Variants in BCL2 observed in about 807,000 individuals in gnomAD.
The protein encoded by BCL2 is apoptosis regulator Bcl-2.
BCL2 carries 1 observed loss-of-function variant against 14.2 expected under a neutral mutation model. That is an observed-to-expected ratio of 0.07 (90% CI 0.02 to 0.33). The LOEUF (loss-of-function observed/expected upper bound fraction) is 0.33, where lower values mean the gene tolerates loss of function less well. Among genes scored for constraint, BCL2 ranks in the 10% least tolerant of loss-of-function variants. The pLI is 0.99. For synonymous variants in BCL2, 151 were observed against 137.2 expected (o/e 1.10, Z -0.70); for missense variants, 247 against 305.9 (o/e 0.81, Z 1.44).
intron 2 of BCL2, among the ~76,000 whole-genome samples, chr18:63,306,027 A>G (rs1913120051): frequency 6.6e-6 from 1 of 152,222 alleles, no homozygotes; most frequent in African/African-American, 2.4e-5. Flanking sequence ...GTGAACCGAT[A>G]TGGTGCCACT....
chr18:63,251,826 G>A (rs4987748), intron 2 of BCL2, among the ~76,000 whole-genome samples: 3,266 of 151,342 alleles, frequency 0.022, 108 homozygotes, highest in African/African-American at 0.076. Context: ...AGCCTCCCAA[G>A]TAGCTGGGAT....
rs1304544697 is a variant in BCL2 at position 63,125,388 on chromosome 18, T to A, written c.*3237A>T. The A allele has an allele frequency of 4.5e-6, 1 of 224,204 alleles. No individual in the cohort carries two copies. The highest frequency in any genetic ancestry group is 2.2e-5 in the African/African-American group (1 of 44,832). 13.9% of individuals were successfully genotyped at this position (224,204 alleles called of 1,614,324 possible). A position where few individuals can be genotyped will look rare whatever the true frequency, so the allele number is the denominator to read the frequency against. On this transcript the variant is annotated 3_prime_UTR_variant, in exon 3 of 3. Coordinates refer to ENST00000333681, the MANE Select transcript of BCL2 (RefSeq NM_000633.3). The stretch of plus-strand genomic sequence containing the variant: ...CCCGATGGCCATAGACCCTGTCAGC[T>A]GTCATTCTGGCCTCTCTTGCGGAGT...
chr18:63,317,909 T>C, intron 2 of BCL2, 173 bp downstream of exon 2: 1 of 1,445,322 alleles, frequency 6.9e-7, no homozygotes, highest in South Asian at 1.5e-5. Flanking sequence ...TCGGTCAGGT[T>C]GGGAGTGAAC....
intron 2 of BCL2, among the ~76,000 whole-genome samples, chr18:63,188,258 T>C (rs1329473623): frequency 6.6e-6 from 1 of 152,226 alleles, no homozygotes; most frequent in African/African-American, 2.4e-5. Context: ...GTACAGTCTT[T>C]GGCGTTAGAC....
intron 2 of BCL2, among the ~76,000 whole-genome samples, chr18:63,179,484 C>G (rs1310841162): frequency 6.6e-6 from 1 of 152,188 alleles, no homozygotes; most frequent in Non-Finnish European, 1.5e-5. Flanking sequence ...TACACAAGAG[C>G]CCCTTCCCAT....
At chr18:63,137,557 C>CA (rs1555695270) in intron 2 of BCL2, among the ~76,000 whole-genome samples, 1 of 151,542 alleles carries the variant, frequency 6.6e-6, no homozygotes, top group Non-Finnish European at 1.5e-5. Flanking sequence ...AAATTCAGTG[C>CA]TTTTTTTTTC....
intron 2 of BCL2, among the ~76,000 whole-genome samples, chr18:63,138,063 A>C (rs912101567): frequency 1.3e-5 from 2 of 152,200 alleles, no homozygotes; most frequent in African/African-American, 4.8e-5. Flanking sequence ...GTGAGAGAGA[A>C]CGCCAGGAGA....
At position 63,125,575 on chromosome 18, in the gene BCL2, T is replaced by A. The variant is rs757735599; in HGVS notation, c.*3050A>T. The A allele has an allele frequency of 1.4e-4, 31 of 214,300 alleles. No homozygotes were observed. Among genetic ancestry groups the A allele is most frequent in the Non-Finnish European group, 2.2e-4 (23 of 105,922 alleles). The allele number at this position is 214,300 out of a possible 1,614,324, so 13.3% of individuals were successfully genotyped here. A position where few individuals can be genotyped will look rare whatever the true frequency, so the allele number is the denominator to read the frequency against. Reference sequence around the variant, plus strand: ...GAGGAGTACATACAGAGGACTGTTTTTTCATTCATAAAGAGCAGTTAAGAT... The same window carrying A: ...GAGGAGTACATACAGAGGACTGTTTATTCATTCATAAAGAGCAGTTAAGAT... On this transcript the variant is annotated 3_prime_UTR_variant, in exon 3 of 3. Transcript: ENST00000333681.
intron 2 of BCL2, among the ~76,000 whole-genome samples, chr18:63,269,590 T>C (rs567413802): frequency 3.1e-4 from 47 of 152,358 alleles, no homozygotes; most frequent in African/African-American, 1.0e-3. Flanking sequence ...TTTGCTTTTT[T>C]ATCATGTCAG....
intron 2 of BCL2, among the ~76,000 whole-genome samples, chr18:63,145,242 A>T (rs1291416575): frequency 1.3e-5 from 2 of 152,246 alleles, no homozygotes; most frequent in South Asian, 4.1e-4. Flanking sequence ...GATCAGCTCA[A>T]CTATTCTTGC....
chr18:63,200,713 A>C (rs1056304257), intron 2 of BCL2, among the ~76,000 whole-genome samples: 2 of 152,178 alleles, frequency 1.3e-5, no homozygotes, highest in African/African-American at 2.4e-5. Context: ...CACGGGTGGG[A>C]GAAAACTCAT....
intron 2 of BCL2, among the ~76,000 whole-genome samples, chr18:63,167,843 T>C (rs1915082318): frequency 6.6e-6 from 1 of 151,946 alleles, no homozygotes; most frequent in South Asian, 2.1e-4. Context: ...GGAGAATCAT[T>C]TAAACCCGGG....
intron 2 of BCL2, among the ~76,000 whole-genome samples, chr18:63,286,931 G>A (rs921280104): frequency 1.3e-5 from 2 of 152,144 alleles, no homozygotes; most frequent in African/African-American, 4.8e-5. Flanking sequence ...TACAACACGG[G>A]TCTGAACTAC....
chr18:63,204,707 T>TA lies in BCL2; in HGVS notation c.586-75949dup, dbSNP rs1199585895. Among the ~76,000 whole-genome samples, 7 of 152,316 alleles carry TA rather than the reference T, an allele frequency of 4.6e-5. No homozygotes were observed. The East Asian group carries it at 1.3e-3, about 29-fold the overall frequency. ...CTAATTGATAACTGGCACACTCTGA[T>TA]ATCTCCAAAACGATGCAATACTAGG... On this transcript the variant is annotated intron_variant, in intron 2 of 2. Transcript: ENST00000333681.
chr18:63,194,109 C>T (rs1432225182), intron 2 of BCL2, among the ~76,000 whole-genome samples: 3 of 152,102 alleles, frequency 2.0e-5, no homozygotes, highest in African/African-American at 7.2e-5. Context: ...GTTATTAGCA[C>T]CATCCAATCC....
Position 63,187,583 on chromosome 18 carries a change from T to C in BCL2, c.586-58824A>G, listed in dbSNP as rs187296567. ...CACCCACCCCACTTATCCTAATGGGTTGAAAATACCAGGAAAAACTTCAGA... is the reference window on the plus strand; with the variant it reads ...CACCCACCCCACTTATCCTAATGGGCTGAAAATACCAGGAAAAACTTCAGA... On this transcript the variant is annotated intron_variant, in intron 2 of 2. Transcript: ENST00000333681. Among the ~76,000 whole-genome samples the C allele has an allele frequency of 2.2e-3, 331 of 152,340 alleles. 1 individual carries two copies. The highest frequency in any genetic ancestry group is 7.3e-3 in the African/African-American group (304 of 41,586).
At chr18:63,222,657 G>A (rs1910431083) in intron 2 of BCL2, among the ~76,000 whole-genome samples, 1 of 152,206 alleles carries the variant, frequency 6.6e-6, no homozygotes, top group Non-Finnish European at 1.5e-5. Flanking sequence ...CCGGAAGACA[G>A]CCTTGAGAAA....
chr18:63,319,053 G>A, intron 1 of BCL2, 101 bp from the exon 2 acceptor site: 1 of 1,090,180 alleles, frequency 9.2e-7, no homozygotes, highest in Non-Finnish European at 1.1e-6. Flanking sequence ...AAGTAACACG[G>A]CTAAAAAGAA....
rs557876106 is a variant in BCL2, at chr18:63,318,007, A to T, written c.585+75T>A. 139 of 1,551,506 alleles carry T rather than the reference A, an allele frequency of 9.0e-5. 2 individuals carry two copies. In the South Asian group the frequency reaches 1.0e-3, roughly 12 times the overall value. ...CTCCACAGCCTCCCATTGCCCCAGG[A>T]GCCCACCCGCACTCCAACCCCCGCA... On this transcript the variant is annotated intron_variant, in intron 2 of 2. Coordinates refer to ENST00000333681, the MANE Select transcript of BCL2 (RefSeq NM_000633.3). This position sits in a 1 kb window ranked among gnomAD's most constrained non-coding sequence, Gnocchi z 7.4.
Sources: allele counts gnomAD v4.1 joint callset (sites outside exome capture counted in the v4.1 genomes callset), GRCh38; gene constraint gnomAD v4.1.1; non-coding constraint Gnocchi (gnomAD v3.1); transcripts MANE v1.5; gene names NCBI Gene and HGNC (gene_info 2026-07-23, HGNC 2026-07-21).